Variants in FRMD4A observed in about 807,000 individuals in gnomAD.
FRMD4A encodes the protein FERM domain containing 4A, also known as FERM domain-containing protein 4A.
In FRMD4A, 29 loss-of-function variants were observed where a neutral mutation model predicts 129.1. The ratio of observed to expected loss-of-function variants is 0.22; its 90% CI spans 0.17 to 0.31. The LOEUF is 0.31. Among genes scored for constraint, FRMD4A ranks in the 10% least tolerant of loss-of-function variants. The probability of loss-of-function intolerance (pLI) is 1.00; values close to 1 mark genes in which losing one functional copy is unlikely to be tolerated. For missense variants in FRMD4A, 1,272 were observed against 1,375.8 expected (o/e 0.92, Z 1.19); for synonymous variants, 634 against 571.6 (o/e 1.11, Z -1.56).
At chr10:14,270,596 T>G (rs548721382) in intron 2 of FRMD4A, among the ~76,000 whole-genome samples, 5 of 152,298 alleles carry the variant, frequency 3.3e-5, no homozygotes, top group Admixed American at 2.6e-4. Context: ...TTATTGCTAT[T>G]AATCATTTAT....
intron 2 of FRMD4A, among the ~76,000 whole-genome samples, chr10:14,140,954 C>G (rs767527603): frequency 2.3e-4 from 35 of 152,006 alleles, no homozygotes; most frequent in Non-Finnish European, 4.3e-4. Flanking sequence ...GACCGGCCAG[C>G]AATTGTAGAA....
At chr10:13,772,739 G>C (rs747800623) in intron 6 of FRMD4A, among the ~76,000 whole-genome samples, 7 of 152,110 alleles carry the variant, frequency 4.6e-5, no homozygotes, top group Non-Finnish European at 1.0e-4. Flanking sequence ...ACTTATTTGT[G>C]GGAGCTAAAA....
At chr10:14,306,214 G>A (rs138690166) in intron 2 of FRMD4A, among the ~76,000 whole-genome samples, 1 of 152,320 alleles carries the variant, frequency 6.6e-6, no homozygotes, top group African/African-American at 2.4e-5. Flanking sequence ...ACTGTTAGAT[G>A]AGAAACATAA....
chr10:13,857,633 C>G (rs946679322), intron 3 of FRMD4A, among the ~76,000 whole-genome samples: 2 of 152,174 alleles, frequency 1.3e-5, no homozygotes, highest in African/African-American at 4.8e-5. Flanking sequence ...ACGAAAGTGT[C>G]TGCATGCGAG....
At chr10:13,867,799 TATA>T (rs2094391859) in intron 2 of FRMD4A, among the ~76,000 whole-genome samples, 1 of 134,464 alleles carries the variant, frequency 7.4e-6, no homozygotes, top group South Asian at 2.2e-4. Flanking sequence ...TAATATAATA[TATA>T]ATAAATAATA....
intron 12 of FRMD4A, among the ~76,000 whole-genome samples, chr10:13,722,794 T>C (rs1444919657): frequency 6.6e-6 from 1 of 152,234 alleles, no homozygotes; most frequent in African/African-American, 2.4e-5. Context: ...GCTGGTTAGA[T>C]AGATCTCCAT....
intron 2 of FRMD4A, among the ~76,000 whole-genome samples, chr10:13,881,988 AGGGTGT>A (rs1307517353): frequency 1.9e-4 from 2 of 10,652 alleles, no homozygotes; most frequent in East Asian, 1.6e-3. Context: ...GGGAGAGGCA[AGGGTGT>A]GTGTGTGTGT....
At chr10:13,730,507 TA>T (rs1250917362) in intron 12 of FRMD4A, among the ~76,000 whole-genome samples, 6 of 152,100 alleles carry the variant, frequency 3.9e-5, no homozygotes, top group African/African-American at 1.4e-4. Context: ...TACTCCACCG[TA>T]AATGCAAACT....
intron 2 of FRMD4A, among the ~76,000 whole-genome samples, chr10:13,995,661 G>A (rs564955790): frequency 6.6e-6 from 1 of 152,350 alleles, no homozygotes; most frequent in African/African-American, 2.4e-5. Flanking sequence ...TGCCCCGAGA[G>A]TAATGTCAAA....
chr10:13,978,247 G>A (rs2095548843), intron 2 of FRMD4A, among the ~76,000 whole-genome samples: 1 of 152,040 alleles, frequency 6.6e-6, no homozygotes, highest in Non-Finnish European at 1.5e-5. Flanking sequence ...GGATAGGGTG[G>A]AGGCAGCAAC....
At chr10:14,019,656 A>G (rs1487206091) in intron 2 of FRMD4A, among the ~76,000 whole-genome samples, 1 of 152,226 alleles carries the variant, frequency 6.6e-6, no homozygotes, top group Non-Finnish European at 1.5e-5. Flanking sequence ...TTTTGATAAA[A>G]ATAAAAATTA....
intron 2 of FRMD4A, among the ~76,000 whole-genome samples, chr10:13,911,862 T>C (rs576953953): frequency 4.7e-4 from 71 of 152,298 alleles, no homozygotes; most frequent in Non-Finnish European, 8.4e-4. Flanking sequence ...GTGCCTGGCC[T>C]CAAGGAATCT....
chr10:14,264,932 C>T (rs568591023), intron 2 of FRMD4A, among the ~76,000 whole-genome samples: 1 of 152,274 alleles, frequency 6.6e-6, no homozygotes, highest in Admixed American at 6.5e-5. Context: ...CAGGTGCTCA[C>T]CACCATGCCT....
intron 2 of FRMD4A, among the ~76,000 whole-genome samples, chr10:14,136,813 C>T (rs764246390): frequency 6.6e-6 from 1 of 152,198 alleles, no homozygotes; most frequent in Non-Finnish European, 1.5e-5. Flanking sequence ...GGGCACATGT[C>T]ATCAGGACCT....
intron 2 of FRMD4A, among the ~76,000 whole-genome samples, chr10:14,250,043 T>A (rs1419677078): frequency 6.6e-6 from 1 of 151,830 alleles, no homozygotes; most frequent in African/African-American, 2.4e-5. Context: ...CACTGCAACC[T>A]CCACCTCCCG....
chr10:14,019,812 T>G (rs548355380), intron 2 of FRMD4A, among the ~76,000 whole-genome samples: 1 of 152,324 alleles, frequency 6.6e-6, no homozygotes, highest in African/African-American at 2.4e-5. Context: ...CACAGGCCTC[T>G]TTCTGAAAGG....
At chr10:13,994,073 G>T (rs189882380) in intron 2 of FRMD4A, among the ~76,000 whole-genome samples, 1,642 of 148,108 alleles carry the variant, frequency 0.011, 12 homozygotes, top group Non-Finnish European at 0.018. Context: ...GCAGTGATGC[G>T]ATCTTGGCTC....
chr10:14,185,505 A>AT (rs1421398413), intron 2 of FRMD4A, among the ~76,000 whole-genome samples: 9 of 152,136 alleles, frequency 5.9e-5, no homozygotes, highest in Non-Finnish European at 8.8e-5. Context: ...AACTTCAAGT[A>AT]TTTTTTGGAG....
chr10:14,219,431 C>T (rs545842490), intron 2 of FRMD4A, among the ~76,000 whole-genome samples: 12 of 152,318 alleles, frequency 7.9e-5, no homozygotes, highest in Non-Finnish European at 1.2e-4. Flanking sequence ...TTTGTGCCAG[C>T]GCATTCTGAT....
Sources: allele counts gnomAD v4.1 joint callset (sites outside exome capture counted in the v4.1 genomes callset), GRCh38; gene constraint gnomAD v4.1.1; transcripts MANE v1.5; gene names NCBI Gene and HGNC (gene_info 2026-07-23, HGNC 2026-07-21).